The following CHIC2 variants were observed in gnomAD, a reference collection of about 807,000 sequenced individuals.
The protein encoded by CHIC2 is cysteine-rich hydrophobic domain-containing protein 2.
In CHIC2, 14 loss-of-function variants were observed where a neutral mutation model predicts 25.9. The observed-to-expected ratio is 0.54, with a 90% CI of 0.36 to 0.85. The LOEUF is 0.85. CHIC2 is among the 40% of genes least tolerant of loss of function. The probability of loss-of-function intolerance (pLI) is 0.01; values close to 1 mark genes in which losing one functional copy is unlikely to be tolerated. For missense variants in CHIC2, 146 were observed against 202.0 expected, an observed-to-expected ratio of 0.72 and a Z score of 1.68; for synonymous variants, 70 against 72.0, an observed-to-expected ratio of 0.97 and a Z score of 0.14.
intron 3 of CHIC2, among the ~76,000 whole-genome samples, chr4:54,016,560 C>A (rs1715744764): frequency 6.6e-6 from 1 of 152,024 alleles, no homozygotes; most frequent in South Asian, 2.1e-4. Flanking sequence ...ATGCCACATT[C>A]TGAATAAGCA....
At chr4:54,074,686 A>ATT in the CHIC2 span, among the ~76,000 whole-genome samples, 5 of 150,172 alleles carry the variant, frequency 3.3e-5, no homozygotes, top group African/African-American at 1.2e-4. Flanking sequence ...TATTTATGTG[A>ATT]TTTTTTTTCT....
chr4:54,072,301 C>CA, the CHIC2 span, among the ~76,000 whole-genome samples: 1,150 of 130,784 alleles, frequency 8.8e-3, 13 homozygotes, highest in African/African-American at 0.025. Flanking sequence ...GACTCCATCT[C>CA]AAAAAAAAAA....
intron 1 of CHIC2, among the ~76,000 whole-genome samples, chr4:54,055,461 T>C (rs1363484239): frequency 6.6e-6 from 1 of 152,180 alleles, no homozygotes; most frequent in Non-Finnish European, 1.5e-5. Flanking sequence ...GGGTCCTCGA[T>C]CTGCCATCAA....
At chr4:54,070,700 G>A in the CHIC2 span, among the ~76,000 whole-genome samples, 1 of 152,188 alleles carries the variant, frequency 6.6e-6, no homozygotes, top group Non-Finnish European at 1.5e-5. Flanking sequence ...TGAGGTTACA[G>A]GAGTGAGCCA....
At chr4:54,087,346 G>A in the CHIC2 span, 1 of 565,432 alleles carries the variant, frequency 1.8e-6, no homozygotes, top group Non-Finnish European at 3.2e-6. Flanking sequence ...TAGTTACCAA[G>A]CAGAAGCAGC....
chr4:54,087,054 C>A, the CHIC2 span: 3 of 1,134,440 alleles, frequency 2.6e-6, no homozygotes, highest in Admixed American at 1.7e-5. Context: ...GGCAGCTGGT[C>A]CACAGCAGAA....
rs1176285644 is a variant in CHIC2, at chr4:54,058,549, T to TACACACATACAC, written c.119+5632_119+5633insGTGTATGTGTGT. ...TTGGGTCAAAAGTCACATACACACA[T>TACACACATACAC]ACACACACATACACACACACACACA... On this transcript the variant is annotated intron_variant, in intron 1 of 5. Transcript: ENST00000263921. 1.5e-3 allele frequency among the ~76,000 whole-genome samples: 188 copies of TACACACATACAC among 126,978 alleles called. 2 individuals carry two copies. The highest frequency in any genetic ancestry group is 2.8e-3 in the Admixed American group (35 of 12,464). 83.3% of individuals were successfully genotyped at this position (126,978 alleles called of 152,430 possible).
chr4:54,042,473 C>T (rs1716608056), intron 3 of CHIC2, among the ~76,000 whole-genome samples: 1 of 152,126 alleles, frequency 6.6e-6, no homozygotes, highest in Admixed American at 6.6e-5. Context: ...CACACTGCAA[C>T]ATCTTATTAC....
At chr4:54,046,169 G>C (rs1057259386) in intron 3 of CHIC2, among the ~76,000 whole-genome samples, 1 of 152,144 alleles carries the variant, frequency 6.6e-6, no homozygotes, top group African/African-American at 2.4e-5. Context: ...ACAAATGGAA[G>C]AACATTCCAT....
At chr4:54,083,018 C>CTTTTTTTTTTTTTTT in the CHIC2 span, among the ~76,000 whole-genome samples, 312 of 67,906 alleles carry the variant, frequency 4.6e-3, 2 homozygotes, top group East Asian at 6.7e-3. Flanking sequence ...TTCTTTCTTT[C>CTTTTTTTTTTTTTTT]TTTTTTTTTT....
chr4:54,053,550 C>T (rs1717073802), intron 1 of CHIC2, among the ~76,000 whole-genome samples: 2 of 108,572 alleles, frequency 1.8e-5, no homozygotes, highest in South Asian at 3.1e-4. Flanking sequence ...CAGTGAGACT[C>T]AGTCTCAAAA....
intron 3 of CHIC2, 200 bp downstream of exon 3, chr4:54,048,749 TTATAAA>T (rs554906831): frequency 0.011 from 4,622 of 403,882 alleles, 47 homozygotes; most frequent in Non-Finnish European, 0.015. Context: ...GCTTCTAAAA[TTATAAA>T]TATAATTTTT....
rs202089388 is a variant in CHIC2, at chr4:54,014,078, A to C, written c.372T>G (p.Asn124Lys). The C allele has an allele frequency of 6.2e-7, 1 of 1,613,354 alleles. No homozygotes were observed. The highest frequency in any genetic ancestry group is 8.5e-7 in the Non-Finnish European group (1 of 1,179,532). The change falls in exon 4 of 6, where the codon AAT becomes AAG. Residue 124 changes from asparagine to lysine, a missense_variant. Physicochemically the swap from Asn to Lys is moderately conservative, Grantham distance 94 (BLOSUM62 0). Transcript: ENST00000263921. ...SIEKLLEWENNRLYHKLCLHW... is the reference protein window; with the variant it reads ...SIEKLLEWENKRLYHKLCLHW... Reference sequence around the variant, plus strand: ...TGGTACTCACCTTGTGGTATAACCTATTGTTTTCCCATTCTAATAACTTCT... The same window carrying C: ...TGGTACTCACCTTGTGGTATAACCTCTTGTTTTCCCATTCTAATAACTTCT...
At chr4:54,010,298 A>G (rs985405203) in intron 5 of CHIC2, among the ~76,000 whole-genome samples, 153 bp from the exon 6 acceptor site, 1 of 152,154 alleles carries the variant, frequency 6.6e-6, no homozygotes, top group Non-Finnish European at 1.5e-5. Context: ...GATAATGCAG[A>G]GTTCCATCAC....
At chr4:54,052,700 T>C (rs1577984505) in intron 1 of CHIC2, among the ~76,000 whole-genome samples, 1 of 152,288 alleles carries the variant, frequency 6.6e-6, no homozygotes, top group African/African-American at 2.4e-5. Context: ...ACAAGACTAA[T>C]TAAATTTTAA....
In CHIC2 at chr4:54,009,985, A is replaced by C. The variant is rs1478726749; in HGVS notation, c.*110T>G. ...AAAAACAAAAACAAAAACAAAAAAA[A>C]CACCACACGATTCTGTAGAACCAAT... On this transcript the variant is annotated 3_prime_UTR_variant, in exon 6 of 6. Transcript: ENST00000263921. 2.6e-5 allele frequency: 17 copies of C among 647,064 alleles called. No individual in the cohort carries two copies. The highest frequency in any genetic ancestry group is 6.4e-5 in the Admixed American group (2 of 31,214). The allele number at this position is 647,064 out of a possible 1,614,324, so 40.1% of individuals were successfully genotyped here. A position where few individuals can be genotyped will look rare whatever the true frequency, so the allele number is the denominator to read the frequency against.
At chr4:54,017,087 T>C (rs780032152) in intron 3 of CHIC2, among the ~76,000 whole-genome samples, 52 of 152,306 alleles carry the variant, frequency 3.4e-4, no homozygotes, top group Admixed American at 8.5e-4. Context: ...CACTTTATAA[T>C]TGTAGTCATC....
chr4:54,081,310 T>C, the CHIC2 span, among the ~76,000 whole-genome samples: 11 of 152,052 alleles, frequency 7.2e-5, no homozygotes, highest in African/African-American at 2.7e-4. Context: ...TCTTTGAATC[T>C]TTGTTTTCTA....
intron 3 of CHIC2, among the ~76,000 whole-genome samples, chr4:54,015,258 C>T (rs1159613277): frequency 1.3e-5 from 2 of 151,996 alleles, no homozygotes; most frequent in African/African-American, 2.4e-5. Context: ...TCATAAAAAT[C>T]GGAAAATCAA....
Sources: gnomAD v4.1 joint callset for allele counts (sites outside exome capture counted in the v4.1 genomes callset) on GRCh38, gnomAD v4.1.1 for gene constraint, MANE v1.5 for transcripts, NCBI Gene and HGNC (gene_info 2026-07-23, HGNC 2026-07-21) for gene names.